Variants in NAALADL2 observed in about 807,000 individuals in gnomAD.
NAALADL2 encodes the protein inactive N-acetylated-alpha-linked acidic dipeptidase-like protein 2.
Under a neutral mutation model 87.2 loss-of-function variants are expected in NAALADL2, and 76 were observed. That is an observed-to-expected ratio of 0.87 (90% CI 0.72 to 1.05). The LOEUF is 1.05. Ranked by LOEUF, NAALADL2 falls within the 50% of genes least tolerant of loss-of-function variation. The pLI, the probability that NAALADL2 is intolerant of heterozygous loss-of-function variation, is 0.00. For synonymous variants in NAALADL2, 354 were observed against 331.0 expected (o/e 1.07, Z -0.75); for missense variants, 1,089 against 945.8 (o/e 1.15, Z -1.99).
intron 2 of NAALADL2, among the ~76,000 whole-genome samples, chr3:174,653,451 A>C (rs958210541): frequency 4.6e-5 from 7 of 152,196 alleles, no homozygotes; most frequent in African/African-American, 7.2e-5. Context: ...AGTGGAATAA[A>C]TGCAAAGATT....
At chr3:174,970,071 T>A (rs1221056382) in intron 1 of NAALADL2, among the ~76,000 whole-genome samples, 1 of 152,186 alleles carries the variant, frequency 6.6e-6, no homozygotes, top group South Asian at 2.1e-4. Context: ...ATAGGTGAGA[T>A]TTATGTCTCT....
chr3:174,646,634 TTTA>T (rs1266142062), intron 2 of NAALADL2, among the ~76,000 whole-genome samples: 2 of 152,142 alleles, frequency 1.3e-5, no homozygotes, highest in Admixed American at 1.3e-4. Context: ...CAATTTTAAT[TTTA>T]TAATTCTGTA....
chr3:174,447,528 TA>T (rs1319992795), intron 1 of NAALADL2, among the ~76,000 whole-genome samples: 1 of 152,156 alleles, frequency 6.6e-6, no homozygotes, highest in East Asian at 1.9e-4. Flanking sequence ...ATTTTAAAAA[TA>T]AAATTTGGCC....
intron 3 of NAALADL2, among the ~76,000 whole-genome samples, chr3:174,846,467 A>G (rs2109449224): frequency 6.6e-6 from 1 of 152,324 alleles, no homozygotes; most frequent in South Asian, 2.1e-4. Flanking sequence ...TTCTCTAACA[A>G]TGTCAATTTT....
chr3:175,487,423 C>G (rs553502475), intron 9 of NAALADL2: 8 of 435,248 alleles, frequency 1.8e-5, no homozygotes, highest in Non-Finnish European at 3.7e-5. Flanking sequence ...GTATCTGGTA[C>G]TTAGTGGGTT....
intron 5 of NAALADL2, among the ~76,000 whole-genome samples, chr3:175,339,414 G>A (rs149294698): frequency 1.7e-4 from 26 of 152,230 alleles, no homozygotes; most frequent in African/African-American, 6.0e-4. Context: ...TTCTATCACT[G>A]GAAGGGATCT....
At chr3:175,052,728 T>C (rs1208024335) in intron 1 of NAALADL2, among the ~76,000 whole-genome samples, 1 of 152,228 alleles carries the variant, frequency 6.6e-6, no homozygotes, top group Non-Finnish European at 1.5e-5. Flanking sequence ...TTCTAGATAC[T>C]TTTTTATTCT....
intron 2 of NAALADL2, among the ~76,000 whole-genome samples, chr3:175,215,019 T>A (rs1742302903): frequency 6.6e-6 from 1 of 152,148 alleles, no homozygotes; most frequent in Admixed American, 6.6e-5. Context: ...TTTATGAGCT[T>A]ATTTAGTGGT....
chr3:174,578,212 A>G (rs1233481199), intron 2 of NAALADL2, among the ~76,000 whole-genome samples: 1 of 152,018 alleles, frequency 6.6e-6, no homozygotes, highest in Non-Finnish European at 1.5e-5. Context: ...GCAGAAAATA[A>G]TTTGAAAATA....
chr3:175,806,171 G>T lies in NAALADL2; in HGVS notation c.*2968G>T, dbSNP rs1034587267. On this transcript the variant is annotated 3_prime_UTR_variant, in exon 14 of 14. Transcript: ENST00000454872. The stretch of plus-strand genomic sequence containing the variant: ...CTGGAAACACTGCTTTTAATTCAAG[G>T]CTAGTTCATTCTCTGACTGTACCTG... 1.3e-5 allele frequency: 2 copies of T among 151,786 alleles called. No individual in the cohort carries two copies. Among genetic ancestry groups the T allele is most frequent in the Non-Finnish European group, 2.9e-5 (2 of 67,852 alleles). The allele number at this position is 151,786 out of a possible 1,614,324, so 9.4% of individuals were successfully genotyped here.
intron 2 of NAALADL2, among the ~76,000 whole-genome samples, chr3:174,604,275 G>A (rs538801741): frequency 1.7e-4 from 26 of 152,024 alleles, no homozygotes; most frequent in Non-Finnish European, 3.5e-4. Flanking sequence ...GTTTAAAATT[G>A]TTATATCATC....
rs950562611 is a variant in NAALADL2, at chr3:175,471,763, G to T, written c.1653+5G>T. ...CTTCAGCAACTGGTAGTAGAGGTAA[G>T]ACAAACCACTATTGTATCAAATGAT... On this transcript the variant is annotated splice_donor_5th_base_variant and intron_variant, in intron 9 of 13. Transcript: ENST00000454872. 1 of 1,597,638 alleles carries T rather than the reference G, an allele frequency of 6.3e-7. No individual in the cohort carries two copies. Among genetic ancestry groups the T allele is most frequent in the African/African-American group, 1.4e-5 (1 of 73,932 alleles).
In NAALADL2 at chr3:174,799,947, C is replaced by T. The variant is rs369336803; in HGVS notation, c.-9+62201C>T. ...GCAAAGAGACTAGTGGCATTTTGCCCCTGCCCTAGAGATCTGTGGAACTTT... is the reference window on the plus strand; with the variant it reads ...GCAAAGAGACTAGTGGCATTTTGCCTCTGCCCTAGAGATCTGTGGAACTTT... On this transcript the variant is annotated intron_variant, in intron 3 of 3. Coordinates refer to the NAALADL2 transcript ENST00000434257. Among the ~76,000 whole-genome samples the T allele has an allele frequency of 5.9e-5, 9 of 152,164 alleles. No individual in the cohort carries two copies. The South Asian group carries it at 1.9e-3, about 32-fold the overall frequency.
intron 10 of NAALADL2, among the ~76,000 whole-genome samples, chr3:175,612,902 A>G (rs1724833406): frequency 6.6e-6 from 1 of 152,176 alleles, no homozygotes. Flanking sequence ...TTTGTATGTT[A>G]ATAATTTTAT....
chr3:174,509,211 G>A (rs1226682259), intron 1 of NAALADL2, among the ~76,000 whole-genome samples: 1 of 151,664 alleles, frequency 6.6e-6, no homozygotes, highest in Non-Finnish European at 1.5e-5. Flanking sequence ...TAGAGAGAAA[G>A]CATTCAGTGC....
chr3:175,272,910 A>G (rs1159978975), intron 4 of NAALADL2, among the ~76,000 whole-genome samples: 1 of 152,118 alleles, frequency 6.6e-6, no homozygotes, highest in Non-Finnish European at 1.5e-5. Context: ...AGTTGTAGCA[A>G]AAATAAATAT....
At chr3:175,251,013 CA>C (rs1255518040) in intron 3 of NAALADL2, among the ~76,000 whole-genome samples, 9 of 152,098 alleles carry the variant, frequency 5.9e-5, no homozygotes, top group Non-Finnish European at 1.3e-4. Context: ...ATTTGGTTTC[CA>C]GAGGAGCCAG....
chr3:175,698,624 T>C (rs1738532769), intron 11 of NAALADL2, among the ~76,000 whole-genome samples: 1 of 150,766 alleles, frequency 6.6e-6, no homozygotes, highest in Admixed American at 6.7e-5. Flanking sequence ...AGCCCACCTT[T>C]TTGATATTAT....
chr3:174,585,388 GA>G (rs199784963), intron 2 of NAALADL2, among the ~76,000 whole-genome samples: 3,416 of 151,894 alleles, frequency 0.022, 64 homozygotes, highest in Non-Finnish European at 0.032. Context: ...TAACCTTAAA[GA>G]AAAAAAATAG....
Sources: gnomAD v4.1 joint callset for allele counts (sites outside exome capture counted in the v4.1 genomes callset) on GRCh38, gnomAD v4.1.1 for gene constraint, MANE v1.5 for transcripts, NCBI Gene and HGNC (gene_info 2026-07-23, HGNC 2026-07-21) for gene names.